PELP1: variants seen among roughly 807,000 people sequenced by gnomAD.
The protein encoded by PELP1 is proline-, glutamic acid- and leucine-rich protein 1.
A neutral mutation model predicts 95.5 loss-of-function variants in PELP1; 32 were observed. That is an observed-to-expected ratio of 0.34 (90% CI 0.25 to 0.45). PELP1 has a LOEUF of 0.45. Among genes scored for constraint, PELP1 ranks in the 20% least tolerant of loss-of-function variants. The pLI, the probability that PELP1 is intolerant of heterozygous loss-of-function variation, is 1.00. For missense variants in PELP1, 1,358 were observed against 1,444.8 expected (o/e 0.94, Z 0.97); for synonymous variants, 668 against 600.1 (o/e 1.11, Z -1.65).
chr17:4,683,436 G>A (rs530041726), intron 3 of PELP1, among the ~76,000 whole-genome samples: 1 of 150,854 alleles, frequency 6.6e-6, no homozygotes, highest in African/African-American at 2.4e-5. Context: ...TAGCCAGGAT[G>A]GTCTCGATCT....
chr17:4,672,127 T>C lies in PELP1; in HGVS notation c.2864A>G (p.Glu955Gly). The C allele has an allele frequency of 6.4e-7, 1 of 1,552,722 alleles. No homozygotes were observed. Among genetic ancestry groups the C allele is most frequent in the Non-Finnish European group, 8.7e-7 (1 of 1,147,572 alleles). ...CAGGTCTTCCACCTCTTCCAGTTCT[T>C]CTTCCTCCTCCTCATCCTCCTCTTC... ...EEEEEDEEEE[E>G]ELEEVEDLEF... Residue 955 changes from glutamate to glycine, a missense_variant, in exon 16 of 17, where the codon GAA becomes GGA. Coordinates refer to ENST00000572293, the MANE Select transcript of PELP1 (RefSeq NM_014389.3).
Position 4,674,138 on chromosome 17 carries a change from T to C in PELP1, c.1582+372A>G, listed in dbSNP as rs911231908. Among the ~76,000 whole-genome samples, 5 of 152,160 alleles carry C rather than the reference T, an allele frequency of 3.3e-5. No homozygotes were observed. In the East Asian group the frequency reaches 9.6e-4, roughly 29 times the overall value. On this transcript the variant is annotated intron_variant, in intron 13 of 16. Coordinates refer to ENST00000572293, the MANE Select transcript of PELP1 (RefSeq NM_014389.3). ...CTTCCCCGCATGCTGGAACTCTGCCTGATAGAAAGTGGATACACCAAGGAC... is the reference window on the plus strand; with the variant it reads ...CTTCCCCGCATGCTGGAACTCTGCCCGATAGAAAGTGGATACACCAAGGAC...
At chr17:4,691,794 C>T (rs1913112476) in intron 1 of PELP1, 1 of 223,056 alleles carries the variant, frequency 4.5e-6, no homozygotes, top group African/African-American at 2.3e-5. Context: ...TCCATAAATG[C>T]TTGCTGAATG....
chr17:4,677,537 A>C (rs931908), intron 5 of PELP1, among the ~76,000 whole-genome samples: 119,255 of 152,186 alleles, frequency 0.78, 50,949 homozygotes, highest in East Asian at 1. Context: ...TCACATTATA[A>C]TTGTAACACA....
Position 4,671,811 on chromosome 17 carries a change from A to G in PELP1, c.3180T>C (p.Ala1060=). Residue 1060 remains alanine (A), a synonymous_variant, in exon 16 of 17, where the codon GCT becomes GCC. Coordinates refer to ENST00000572293, the MANE Select transcript of PELP1 (RefSeq NM_014389.3). Reference sequence around the variant, plus strand: ...TCTCCTCTTCCAACAGGGTTGGGGGAGCAGAGGGCTCTTCTTCAACAAGCT... The same window carrying G: ...TCTCCTCTTCCAACAGGGTTGGGGGGGCAGAGGGCTCTTCTTCAACAAGCT... ...PQELVEEEPS[A]PPTLLEEETE... is the part of the protein sequence containing the mutation. 6.6e-7 allele frequency: 1 copy of G among 1,509,600 alleles called. No individual in the cohort carries two copies. The highest frequency in any genetic ancestry group is 8.8e-7 in the Non-Finnish European group (1 of 1,133,290). 93.5% of individuals were successfully genotyped at this position (1,509,600 alleles called of 1,614,324 possible).
Position 4,676,011 on chromosome 17 carries a change from C to T in PELP1, c.980+25G>A, listed in dbSNP as rs75090909. ...ATCAATCCCTCCTGCTCCACGCCTC[C>T]GCTCCCTCCAATACCCACACACACC... On this transcript the variant is annotated intron_variant, in intron 8 of 16. Coordinates refer to ENST00000572293, the MANE Select transcript of PELP1 (RefSeq NM_014389.3). 1,997 of 1,612,828 alleles carry T rather than the reference C, an allele frequency of 1.2e-3. 21 individuals carry two copies. In the African/African-American group the frequency reaches 0.023, roughly 18 times the overall value.
At chr17:4,681,693 G>A (rs780023609) in intron 5 of PELP1, among the ~76,000 whole-genome samples, 28 of 151,910 alleles carry the variant, frequency 1.8e-4, no homozygotes, top group Admixed American at 2.6e-4. Flanking sequence ...CCAGCTACTC[G>A]GGAGGCTGAG....
intron 6 of PELP1, 107 bp downstream of exon 6, chr17:4,676,646 G>A: frequency 7.3e-7 from 1 of 1,364,700 alleles, no homozygotes; most frequent in Admixed American, 2.0e-5. Context: ...GAGGCCGAAG[G>A]ACACAGATGG....
Position 4,675,939 on chromosome 17 carries a change from C to CA in PELP1, c.981-56dup. ...AGAGCAGGCTCCCTGGCATAACTCC[C>CA]ACACCCACCTTCATCTCCTTTCTCC... On this transcript the variant is annotated intron_variant, in intron 8 of 16. Transcript: ENST00000572293. The surrounding 1 kb of genome is among the most constrained non-coding windows in gnomAD (Gnocchi z 4.3). 1 of 1,587,676 alleles carries CA rather than the reference C, an allele frequency of 6.3e-7. No individual in the cohort carries two copies. The highest frequency in any genetic ancestry group is 8.6e-7 in the Non-Finnish European group (1 of 1,163,522).
intron 1 of PELP1, among the ~76,000 whole-genome samples, chr17:4,701,289 A>G (rs181496596): frequency 6.7e-6 from 1 of 148,252 alleles, no homozygotes; most frequent in East Asian, 2.1e-4. Flanking sequence ...ACAAATAAGC[A>G]AAGAATTGAG....
At position 4,676,512 on chromosome 17, in the gene PELP1, G is replaced by A. The variant is rs908480329; in HGVS notation, c.703-5C>T. On this transcript the variant is annotated splice_polypyrimidine_tract_variant and splice_region_variant and intron_variant, in intron 6 of 16. Transcript: ENST00000572293. ...GGAATAACACTCACAGGCCAACTGC[G>A]GGAGAAAGGACAGAAACCTGGTCAG... 18 of 1,613,158 alleles carry A rather than the reference G, an allele frequency of 1.1e-5. No individual in the cohort carries two copies. The highest frequency in any genetic ancestry group is 5.3e-5 in the African/African-American group (4 of 74,850).
Position 4,673,089 on chromosome 17 carries a change from C to T in PELP1, c.1902G>A (p.Arg634=), listed in dbSNP as rs929235668. ...GGCCCATGGGCTGCAGGGGAGGAAC[C>T]CGGGGGTGGGTCAGAGCAGCACAGG... ...LVTCAALTHP[R]VPPLQPMGPT... The change falls in exon 16 of 17, where the codon CGG becomes CGA. Residue 634 remains arginine (R), a synonymous_variant. Coordinates refer to ENST00000572293, the MANE Select transcript of PELP1 (RefSeq NM_014389.3). The surrounding 1 kb of genome is among the most constrained non-coding windows in gnomAD (Gnocchi z 5.7). 6.6e-7 allele frequency: 1 copy of T among 1,523,408 alleles called. No homozygotes were observed. Among genetic ancestry groups the T allele is most frequent in the Non-Finnish European group, 8.8e-7 (1 of 1,138,258 alleles). The allele number at this position is 1,523,408 out of a possible 1,614,324, so 94.4% of individuals were successfully genotyped here. A position where few individuals can be genotyped will look rare whatever the true frequency, so the allele number is the denominator to read the frequency against.
At chr17:4,702,431 A>T (rs1369798499) in intron 1 of PELP1, among the ~76,000 whole-genome samples, 1 of 151,346 alleles carries the variant, frequency 6.6e-6, no homozygotes, top group Non-Finnish European at 1.5e-5. Context: ...AAATAATAAT[A>T]ATTCTGGGAC....
In PELP1 at chr17:4,682,959, A is replaced by C; in HGVS notation, c.421-7T>G. On this transcript the variant is annotated splice_polypyrimidine_tract_variant and splice_region_variant and intron_variant, in intron 3 of 16. Coordinates refer to ENST00000572293, the MANE Select transcript of PELP1 (RefSeq NM_014389.3). Reference sequence around the variant, plus strand: ...TGGCAGGCGGGTCCTGGGTCTAAAGAAAAAAATAATGTCTCGTGCTTCCAG... The same window carrying C: ...TGGCAGGCGGGTCCTGGGTCTAAAGCAAAAAATAATGTCTCGTGCTTCCAG... 4.2e-4 allele frequency: 1 copy of C among 2,392 alleles called. No homozygotes were observed. The highest frequency in any genetic ancestry group is 1.3e-3 in the Non-Finnish European group (1 of 748). The allele number at this position is 2,392 out of a possible 1,614,324, so 0.1% of individuals were successfully genotyped here. A position where few individuals can be genotyped will look rare whatever the true frequency, so the allele number is the denominator to read the frequency against.
Position 4,675,495 on chromosome 17 carries a change from CA to C in PELP1, c.1069-134del. 1.4e-6 allele frequency: 1 copy of C among 727,808 alleles called. No homozygotes were observed. The allele number at this position is 727,808 out of a possible 1,614,324, so 45.1% of individuals were successfully genotyped here. ...CAACCCCTGATCTCAGCTCTCCCAA[CA>C]AAATCAAACCCCTATCCTCTAAAAT... On this transcript the variant is annotated intron_variant, in intron 9 of 16. Coordinates refer to ENST00000572293, the MANE Select transcript of PELP1 (RefSeq NM_014389.3). The surrounding 1 kb of genome is among the most constrained non-coding windows in gnomAD (Gnocchi z 4.3).
chr17:4,683,531 C>CTTTTTTTTTTTTTTTTTTT lies in PELP1; in HGVS notation c.421-580_421-579insAAAAAAAAAAAAAAAAAAA, dbSNP rs59870828. Among the ~76,000 whole-genome samples the CTTTTTTTTTTTTTTTTTTT allele has an allele frequency of 2.1e-5, 2 of 96,574 alleles. 1 individual carries two copies. The highest frequency in any genetic ancestry group is 7.7e-5 in the African/African-American group (2 of 26,092). 63.4% of individuals were successfully genotyped at this position (96,574 alleles called of 152,430 possible). On this transcript the variant is annotated intron_variant, in intron 3 of 16. Coordinates refer to ENST00000572293, the MANE Select transcript of PELP1 (RefSeq NM_014389.3). Reference sequence around the variant, plus strand: ...ATCACGCCCAGCTGAGTTTTCTTTTCTTTTTTTTTTTTTTTTTGAGACAGA... The same window carrying CTTTTTTTTTTTTTTTTTTT: ...ATCACGCCCAGCTGAGTTTTCTTTTCTTTTTTTTTTTTTTTTTTTTTTTTTTTTTTTTTTTTGAGACAGA...
At chr17:4,682,418 G>A (rs1441943315) in intron 5 of PELP1, 84 bp downstream of exon 5, 5 of 884,406 alleles carry the variant, frequency 5.7e-6, no homozygotes, top group Non-Finnish European at 3.8e-6. Flanking sequence ...CAGAAGATAG[G>A]TGCTTAGGAA....
At chr17:4,687,816 C>CTTTT (rs1912960166) in intron 3 of PELP1, among the ~76,000 whole-genome samples, 1 of 152,116 alleles carries the variant, frequency 6.6e-6, no homozygotes, top group Non-Finnish European at 1.5e-5. Flanking sequence ...TGTTAAATAA[C>CTTTT]TAAGTGGAGA....
chr17:4,685,004 T>C (rs923317145), intron 3 of PELP1, among the ~76,000 whole-genome samples: 4 of 152,164 alleles, frequency 2.6e-5, no homozygotes, highest in African/African-American at 9.7e-5. Flanking sequence ...AGTCTTTTCT[T>C]GAGCCCATAC....
Sources: allele counts gnomAD v4.1 joint callset (sites outside exome capture counted in the v4.1 genomes callset), GRCh38; gene constraint gnomAD v4.1.1; non-coding constraint Gnocchi (gnomAD v3.1); transcripts MANE v1.5; gene names NCBI Gene and HGNC (gene_info 2026-07-23, HGNC 2026-07-21).